KDM3A: variants seen among roughly 807,000 people sequenced by gnomAD.
KDM3A encodes lysine demethylase 3A.
KDM3A carries 60 observed loss-of-function variants against 158.0 expected under a neutral mutation model. The observed-to-expected ratio is 0.38, with a 90% CI of 0.31 to 0.47. The LOEUF (loss-of-function observed/expected upper bound fraction) is 0.47. KDM3A is among the 20% of genes least tolerant of loss of function. The pLI is 0.99. For missense variants in KDM3A, 1,319 were observed against 1,574.3 expected (o/e 0.84, Z 2.74); for synonymous variants, 608 against 549.3 (o/e 1.11, Z -1.49).
At chr2:86,461,794 TAAC>T (rs890224369) in intron 8 of KDM3A, among the ~76,000 whole-genome samples, 1 of 151,868 alleles carries the variant, frequency 6.6e-6, no homozygotes, top group African/African-American at 2.4e-5. Context: ...GCCAGAGAGA[TAAC>T]AAGTACAAAG....
In KDM3A at chr2:86,466,884, G is replaced by A. The variant is rs1358104265; in HGVS notation, c.1519+1G>A. ...AGAAGCAACAATAAAATCCAGAATG[G>A]TGAGTGTTTCTCAATATCTTTATTG... is the stretch of plus-strand genomic sequence containing the variant. On this transcript the variant is annotated splice_donor_variant, in intron 10 of 25. Transcript: ENST00000312912. LOFTEE classifies it high-confidence loss of function. 3 of 1,587,910 alleles carry A rather than the reference G, an allele frequency of 1.9e-6. No homozygotes were observed.
intron 23 of KDM3A, 152 bp downstream of exon 23, chr2:86,489,811 G>T (rs1279888508): frequency 2.8e-6 from 2 of 722,150 alleles, no homozygotes; most frequent in African/African-American, 1.8e-5. Flanking sequence ...GAAGGTGGTT[G>T]CTAAGGAACA....
rs11431031 is a variant in KDM3A, at chr2:86,456,416, ATTTTT to A, written c.557-8_557-4del. On this transcript the variant is annotated intron_variant, in intron 5 of 25. Transcript: ENST00000312912. ...GGGAGATAATGCAAATTGCTCTAAG[ATTTTT>A]TTTTTTTTTTTTTTTTTAAGGTGAC... 3.6e-5 allele frequency: 38 copies of A among 1,057,686 alleles called. No homozygotes were observed. The highest frequency in any genetic ancestry group is 1.1e-4 in the East Asian group (3 of 28,368). The allele number at this position is 1,057,686 out of a possible 1,614,324, so 65.5% of individuals were successfully genotyped here.
chr2:86,459,236 GTAAT>G (rs1435319335), intron 8 of KDM3A, among the ~76,000 whole-genome samples: 1 of 152,112 alleles, frequency 6.6e-6, no homozygotes, highest in Admixed American at 6.6e-5. Flanking sequence ...AAGGCTCTGG[GTAAT>G]TAATGTGGCC....
intron 12 of KDM3A, 128 bp from the exon 13 acceptor site, chr2:86,477,749 C>G: frequency 4.9e-6 from 4 of 822,772 alleles, no homozygotes; most frequent in Non-Finnish European, 5.7e-6. Flanking sequence ...ACAGCATTTG[C>G]AATGAAGCCT....
At chr2:86,487,524 T>TGC (rs1674238666) in intron 21 of KDM3A, 1 of 152,140 alleles carries the variant, frequency 6.6e-6, no homozygotes. Flanking sequence ...GACCAGGACT[T>TGC]GCGGACAGTA....
chr2:86,483,076 A>C (rs564814604), intron 18 of KDM3A: 2 of 206,560 alleles, frequency 9.7e-6, no homozygotes, highest in East Asian at 2.9e-4. Flanking sequence ...CCTGAATGAA[A>C]AGCCTGTGCT....
intron 15 of KDM3A, 129 bp downstream of exon 15, chr2:86,478,864 G>T (rs1025875597): frequency 1.2e-5 from 10 of 855,908 alleles, no homozygotes; most frequent in Non-Finnish European, 1.8e-5. Context: ...GAAAGAGAGA[G>T]AGAAAGAATT....
rs1674494843 is a variant in KDM3A at position 86,492,246 on chromosome 2, CTG to C, written c.*129_*130del. The C allele has an allele frequency of 3.0e-6, 2 of 677,912 alleles. No homozygotes were observed. Among genetic ancestry groups the C allele is most frequent in the South Asian group, 3.4e-5 (2 of 58,114 alleles). 42.0% of individuals were successfully genotyped at this position (677,912 alleles called of 1,614,324 possible). On this transcript the variant is annotated 3_prime_UTR_variant, in exon 26 of 26. Transcript: ENST00000312912. ...ACTGTACCCAACTTGTGAGGGTACT[CTG>C]TCTAATGTATATTTCTAGTGTTTAC...
upstream of KDM3A, chr2:86,441,105 T>A (rs1174089428): frequency 2.6e-5 from 4 of 152,212 alleles, no homozygotes; most frequent in African/African-American, 9.7e-5. Context: ...AGAATAGGCC[T>A]ATGGCGGAGG....
chr2:86,437,278 G>T (rs745636102), upstream of KDM3A, among the ~76,000 whole-genome samples: 2 of 151,954 alleles, frequency 1.3e-5, no homozygotes, highest in East Asian at 3.9e-4. Flanking sequence ...CTCCCGAGTA[G>T]CTGGGATTGT....
rs1485103584 is a variant in KDM3A at position 86,482,574 on chromosome 2, C to T, written c.2802C>T (p.Pro934=). ...GGCCTCAAGGACTAACCATCAAGCC[C>T]AGCATTCTGGGCTTTGACACTCCTC... ...SKRPQGLTIK[P]SILGFDTPHY... is the part of the protein sequence containing the mutation. The change falls in exon 18 of 26, where the codon CCC becomes CCT. Residue 934 remains proline, a synonymous_variant. Coordinates refer to ENST00000312912, the MANE Select transcript of KDM3A (RefSeq NM_018433.6). 1.2e-6 allele frequency: 2 copies of T among 1,614,134 alleles called. No homozygotes were observed. The highest frequency in any genetic ancestry group is 4.5e-5 in the East Asian group (2 of 44,884).
intron 2 of KDM3A, among the ~76,000 whole-genome samples, chr2:86,442,971 C>CA (rs1306526618): frequency 6.6e-6 from 1 of 152,108 alleles, no homozygotes; most frequent in Non-Finnish European, 1.5e-5. Context: ...TTATGACACT[C>CA]AGAACCTTTT....
Position 86,466,590 on chromosome 2 carries a change from C to A in KDM3A, c.1226C>A (p.Ala409Glu). ...QENRLESVPQ[A>E]LTGLPKECLP... ...AACAGATTGGAGTCTGTTCCACAAG[C>A]ATTGACTGGCCTTCCTAAGGAGTGC... Residue 409 changes from alanine (A) to glutamate (E), a missense_variant, in exon 10 of 26, where the codon GCA (alanine) becomes GAA (glutamate). Physicochemically the swap from Ala to Glu is moderately radical, Grantham distance 107. This residue lies in a region of KDM3A where 652 missense variants were observed against 627.2 expected (regional missense o/e 1.04). Coordinates refer to ENST00000312912, the MANE Select transcript of KDM3A (RefSeq NM_018433.6). 6.2e-7 allele frequency: 1 copy of A among 1,613,976 alleles called. No individual in the cohort carries two copies. The highest frequency in any genetic ancestry group is 8.5e-7 in the Non-Finnish European group (1 of 1,179,894).
In KDM3A at chr2:86,453,221, G is replaced by A. The variant is rs572605803; in HGVS notation, c.454-1864G>A. Among the ~76,000 whole-genome samples the A allele has an allele frequency of 5.3e-5, 8 of 152,256 alleles. No individual in the cohort carries two copies. In the South Asian group the frequency reaches 1.7e-3, roughly 32 times the overall value. ...TCAGTGTGAATGTTGTCATTAATACGATATACAATTAACTGGGAGAACTAT... is the reference window on the plus strand; with the variant it reads ...TCAGTGTGAATGTTGTCATTAATACAATATACAATTAACTGGGAGAACTAT... On this transcript the variant is annotated intron_variant, in intron 4 of 25. Coordinates refer to ENST00000312912, the MANE Select transcript of KDM3A (RefSeq NM_018433.6).
chr2:86,491,053 A>G lies in KDM3A; in HGVS notation c.3746A>G (p.His1249Arg), dbSNP rs1409918158. The change falls in exon 24 of 26, where the codon CAT becomes CGT. Residue 1249 changes from histidine (H) to arginine (R), a missense_variant. Around this residue, in one of 4 missense-constraint regions of KDM3A, gnomAD observed 186 missense variants for 340.9 expected, o/e 0.55. Coordinates refer to ENST00000312912, the MANE Select transcript of KDM3A (RefSeq NM_018433.6). ...DVVFIPAGAP[H>R]QVHNLYSCIK... Reference sequence around the variant, plus strand: ...GTGTTTATCCCGGCAGGAGCTCCACATCAGGCAAGAATCATTACTTTTTCT... The same window carrying G: ...GTGTTTATCCCGGCAGGAGCTCCACGTCAGGCAAGAATCATTACTTTTTCT... The G allele has an allele frequency of 6.2e-7, 1 of 1,613,546 alleles. No homozygotes were observed. The highest frequency in any genetic ancestry group is 1.1e-5 in the South Asian group (1 of 91,030).
At chr2:86,484,654 A>T in intron 19 of KDM3A, 1 of 333,146 alleles carries the variant, frequency 3.0e-6, no homozygotes. Flanking sequence ...TCTAGGAAAG[A>T]CAAGGCCCTG....
intron 2 of KDM3A, among the ~76,000 whole-genome samples, chr2:86,448,143 G>T (rs1683028940): frequency 6.6e-6 from 1 of 152,224 alleles, no homozygotes; most frequent in South Asian, 2.1e-4. Context: ...AGTAATAACT[G>T]CAAAGTTAAA....
intron 2 of KDM3A, among the ~76,000 whole-genome samples, chr2:86,444,336 A>G (rs1263612782): frequency 6.6e-6 from 1 of 152,096 alleles, no homozygotes; most frequent in African/African-American, 2.4e-5. Context: ...GCTAGGTTGG[A>G]TTTTTGCCTT....
Sources: allele counts gnomAD v4.1 joint callset (sites outside exome capture counted in the v4.1 genomes callset), GRCh38; gene constraint gnomAD v4.1.1; regional missense constraint gnomAD v4.1.1; transcripts MANE v1.5; gene names NCBI Gene and HGNC (gene_info 2026-07-23, HGNC 2026-07-21).